The following ATF7 variants were observed in gnomAD, a reference collection of about 807,000 sequenced individuals.
The protein encoded by ATF7 is cyclic AMP-dependent transcription factor ATF-7.
In ATF7, 10 loss-of-function variants were observed where a neutral mutation model predicts 50.4. The observed-to-expected ratio is 0.20, with a 90% CI of 0.12 to 0.34. The LOEUF (loss-of-function observed/expected upper bound fraction) is 0.34, where lower values mean the gene tolerates loss of function less well. ATF7 is among the 10% of genes least tolerant of loss of function. ATF7 has a pLI of 1.00. For missense variants in ATF7, 465 were observed against 613.9 expected (o/e 0.76, Z 2.56); for synonymous variants, 201 against 226.4 (o/e 0.89, Z 1.01).
chr12:53,584,701 G>A (rs1942593612), intron 2 of ATF7, among the ~76,000 whole-genome samples: 1 of 152,066 alleles, frequency 6.6e-6, no homozygotes, highest in Admixed American at 6.6e-5. Context: ...ATATTACTCA[G>A]CACTAAAAAG....
rs183376077 is a variant in ATF7 at position 53,554,384 on chromosome 12, G to A, written c.49-1747C>T. 6.3e-4 allele frequency among the ~76,000 whole-genome samples: 96 copies of A among 151,738 alleles called. No homozygotes were observed. In the East Asian group the frequency reaches 0.018, roughly 29 times the overall value. ...GACCTCAGGTGATCCACTCACCTTG[G>A]CCTCCCAAAGTGCTGGTATTACAGG... On this transcript the variant is annotated intron_variant, in intron 2 of 11. Transcript: ENST00000420353.
chr12:53,544,913 A>C (rs1030914743), intron 3 of ATF7, among the ~76,000 whole-genome samples: 1 of 151,988 alleles, frequency 6.6e-6, no homozygotes, highest in Non-Finnish European at 1.5e-5. Context: ...TCTCAAAAAT[A>C]GTTTTAAAAG....
intron 11 of ATF7, among the ~76,000 whole-genome samples, chr12:53,519,809 C>T (rs559404404): frequency 7.2e-5 from 11 of 152,224 alleles, no homozygotes; most frequent in Non-Finnish European, 1.5e-4. Flanking sequence ...TGCAGTGGCA[C>T]TATTTTGGCT....
chr12:53,556,818 G>T (rs1940787168), intron 2 of ATF7, among the ~76,000 whole-genome samples: 2 of 152,116 alleles, frequency 1.3e-5, no homozygotes, highest in South Asian at 2.1e-4. Context: ...TGGTGGGATG[G>T]ACCCCCATAA....
At chr12:53,584,875 G>A (rs536181153) in intron 2 of ATF7, among the ~76,000 whole-genome samples, 1 of 152,334 alleles carries the variant, frequency 6.6e-6, no homozygotes, top group Non-Finnish European at 1.5e-5. Context: ...ATCAGTGCTT[G>A]CCAGCGGTCA....
intron 2 of ATF7, among the ~76,000 whole-genome samples, chr12:53,580,879 A>G (rs1274889410): frequency 6.6e-6 from 1 of 151,994 alleles, no homozygotes; most frequent in Admixed American, 6.6e-5. Context: ...TGGGAGGCCA[A>G]GGTGGGTGGA....
At chr12:53,622,702 A>G (rs1167944722) in intron 1 of ATF7, among the ~76,000 whole-genome samples, 1 of 151,722 alleles carries the variant, frequency 6.6e-6, no homozygotes, top group Admixed American at 6.6e-5. Flanking sequence ...TTACCCCAGA[A>G]GAGATGCCTC....
chr12:53,569,748 T>C (rs1941645227), intron 2 of ATF7, among the ~76,000 whole-genome samples: 1 of 152,036 alleles, frequency 6.6e-6, no homozygotes, highest in African/African-American at 2.4e-5. Context: ...AATCTCAGCT[T>C]ACTGCAACCT....
intron 1 of ATF7, among the ~76,000 whole-genome samples, chr12:53,608,236 A>T (rs972373398): frequency 1.3e-5 from 2 of 150,584 alleles, no homozygotes; most frequent in African/African-American, 4.9e-5. Context: ...AAAAAAAAAA[A>T]AGAAAGAAGT....
intron 2 of ATF7, among the ~76,000 whole-genome samples, chr12:53,553,641 C>T (rs1940524186): frequency 6.6e-6 from 1 of 152,132 alleles, no homozygotes; most frequent in South Asian, 2.1e-4. Context: ...TTTGAGGCTC[C>T]TGGCCATATT....
At chr12:53,620,117 C>A (rs190002044) in intron 1 of ATF7, among the ~76,000 whole-genome samples, 1 of 152,044 alleles carries the variant, frequency 6.6e-6, no homozygotes, top group African/African-American at 2.4e-5. Context: ...GTACTCCAGT[C>A]TGGGCAACAG....
intron 2 of ATF7, among the ~76,000 whole-genome samples, chr12:53,599,208 A>T (rs551333489): frequency 1.1e-3 from 158 of 146,410 alleles, no homozygotes; most frequent in African/African-American, 3.5e-3. Context: ...TAATTTTTAA[A>T]TTTTTTTTTT....
At chr12:53,526,254 G>T (rs935694816) in intron 9 of ATF7, among the ~76,000 whole-genome samples, 1 of 148,502 alleles carries the variant, frequency 6.7e-6, no homozygotes, top group Admixed American at 6.8e-5. Flanking sequence ...TGCTTCTCCG[G>T]CCCCCCTTCC....
chr12:53,566,730 T>C (rs1434438893), intron 2 of ATF7, among the ~76,000 whole-genome samples: 2 of 151,908 alleles, frequency 1.3e-5, no homozygotes, highest in Non-Finnish European at 2.9e-5. Flanking sequence ...GTGTTATAAA[T>C]GTTGACACAG....
At chr12:53,544,951 G>A (rs1939804408) in intron 3 of ATF7, among the ~76,000 whole-genome samples, 1 of 152,122 alleles carries the variant, frequency 6.6e-6, no homozygotes, top group South Asian at 2.1e-4. Context: ...GTTGGCTAAC[G>A]ATAAAGCCAC....
At chr12:53,555,386 T>C (rs1940665539) in intron 2 of ATF7, among the ~76,000 whole-genome samples, 1 of 150,750 alleles carries the variant, frequency 6.6e-6, no homozygotes, top group Non-Finnish European at 1.5e-5. Flanking sequence ...ACCAGGGGTA[T>C]GATATTTGTA....
At chr12:53,625,482 G>T (rs1015557682) in intron 1 of ATF7, among the ~76,000 whole-genome samples, 3 of 151,994 alleles carry the variant, frequency 2.0e-5, no homozygotes, top group Non-Finnish European at 2.9e-5. Context: ...ACCTCTTATC[G>T]CTCTCAAGGC....
intron 9 of ATF7, among the ~76,000 whole-genome samples, chr12:53,531,238 T>C (rs1319411384): frequency 2.0e-5 from 3 of 151,760 alleles, no homozygotes; most frequent in Admixed American, 6.6e-5. Flanking sequence ...CTGGCCAACA[T>C]GGTGAGACCC....
chr12:53,532,632 A>T lies in ATF7; in HGVS notation c.661-9T>A. 1 of 1,524,158 alleles carries T rather than the reference A, an allele frequency of 6.6e-7. No individual in the cohort carries two copies. Among genetic ancestry groups the T allele is most frequent in the Non-Finnish European group, 8.9e-7 (1 of 1,125,968 alleles). The allele number at this position is 1,524,158 out of a possible 1,614,324, so 94.4% of individuals were successfully genotyped here. ...GACACAGGTCTGGCCAGCTGGATCG[A>T]GAGAAGGAAAAAAAAAAAAAGAGAA... On this transcript the variant is annotated splice_polypyrimidine_tract_variant and intron_variant, in intron 7 of 11. Coordinates refer to ENST00000420353, the MANE Select transcript of ATF7 (RefSeq NM_006856.3).
Sources: allele counts gnomAD v4.1 joint callset (sites outside exome capture counted in the v4.1 genomes callset), GRCh38; gene constraint gnomAD v4.1.1; transcripts MANE v1.5; gene names NCBI Gene and HGNC (gene_info 2026-07-23, HGNC 2026-07-21).